The following C10orf90 variants were observed in gnomAD, a reference collection of about 807,000 sequenced individuals.
C10orf90 encodes chromosome 10 open reading frame 90, also known as (E2-independent) E3 ubiquitin-conjugating enzyme FATS.
C10orf90 carries 56 observed loss-of-function variants against 62.5 expected under a neutral mutation model. The ratio of observed to expected loss-of-function variants is 0.90; its 90% CI spans 0.72 to 1.12. The LOEUF (loss-of-function observed/expected upper bound fraction) is 1.12. Among genes scored for constraint, C10orf90 ranks in the 50% most tolerant of loss-of-function variants. C10orf90 has a pLI of 0.00. For synonymous variants in C10orf90, 386 were observed against 340.4 expected (o/e 1.13, Z -1.47); for missense variants, 970 against 880.4 (o/e 1.10, Z -1.29).
At chr10:126,629,443 T>C (rs1845808786) in intron 2 of C10orf90, among the ~76,000 whole-genome samples, 1 of 152,170 alleles carries the variant, frequency 6.6e-6, no homozygotes, top group Admixed American at 6.5e-5. Flanking sequence ...GCCTCCTCCC[T>C]GATGCACAGC....
intron 1 of C10orf90, among the ~76,000 whole-genome samples, chr10:126,649,071 T>TCTCTC (rs1455526825): frequency 1.7e-4 from 7 of 40,784 alleles, no homozygotes; most frequent in Non-Finnish European, 2.4e-4. Flanking sequence ...TCTCTCTCTC[T>TCTCTC]CCCCCCCCCC....
intron 2 of C10orf90, among the ~76,000 whole-genome samples, chr10:126,621,384 G>T (rs1845641177): frequency 6.6e-6 from 1 of 152,084 alleles, no homozygotes; most frequent in Admixed American, 6.6e-5. Flanking sequence ...GACACTTAAT[G>T]GCAAAAACAG....
rs558057311 is a variant in C10orf90 at position 126,605,247 on chromosome 10, C to T, written c.313+41318G>A. On this transcript the variant is annotated intron_variant, in intron 2 of 9. Transcript: ENST00000488181. ...CCTCAGAGGGGCGTGTGCTTTGGTG[C>T]GCCAAGCCAAAGGAAAGATGGAAGC... 1.5e-4 allele frequency among the ~76,000 whole-genome samples: 23 copies of T among 152,274 alleles called. No homozygotes were observed. In the South Asian group the frequency reaches 2.3e-3, roughly 15 times the overall value.
At position 126,631,587 on chromosome 10, in the gene C10orf90, C is replaced by T. The variant is rs148648454; in HGVS notation, c.313+14978G>A. Among the ~76,000 whole-genome samples, 242 of 152,116 alleles carry T rather than the reference C, an allele frequency of 1.6e-3. 1 individual carries two copies. In the Middle Eastern group the frequency reaches 0.034, roughly 21 times the overall value. ...GAGAGCAAGTTCCCTTGATCTCTTG[C>T]TCAGCATTGCATGCTCAGTGCCCGG... On this transcript the variant is annotated intron_variant, in intron 2 of 9. Transcript: ENST00000488181.
chr10:126,584,156 T>C (rs771473461), intron 2 of C10orf90, among the ~76,000 whole-genome samples: 47 of 118,466 alleles, frequency 4.0e-4, no homozygotes, highest in Admixed American at 1.5e-3. Context: ...AAGGGGAAAC[T>C]CTCAGCAGCA....
intron 2 of C10orf90, among the ~76,000 whole-genome samples, chr10:126,537,858 T>C (rs755161016): frequency 6.6e-6 from 1 of 152,212 alleles, no homozygotes. Flanking sequence ...GAATGTGATC[T>C]TATTTGAAAG....
At chr10:126,477,135 G>A (rs1237275801) in intron 4 of C10orf90, among the ~76,000 whole-genome samples, 1 of 111,002 alleles carries the variant, frequency 9.0e-6, no homozygotes, top group Non-Finnish European at 1.7e-5. Flanking sequence ...TTGGAGCAAT[G>A]TGGAGAAGGC....
At chr10:126,574,732 T>G (rs2134007799) in intron 2 of C10orf90, among the ~76,000 whole-genome samples, 1 of 152,224 alleles carries the variant, frequency 6.6e-6, no homozygotes, top group Non-Finnish European at 1.5e-5. Flanking sequence ...ATTTATGAAC[T>G]TTTTAAAAAT....
At chr10:126,460,051 C>T (rs565899196) in intron 6 of C10orf90, among the ~76,000 whole-genome samples, 3 of 152,312 alleles carry the variant, frequency 2.0e-5, no homozygotes, top group African/African-American at 7.2e-5. Context: ...CCACGGGAAC[C>T]CCATTCTTTT....
At position 126,504,285 on chromosome 10, in the gene C10orf90, T is replaced by A; in HGVS notation, c.1206A>T (p.Gly402=). Residue 402 remains glycine (G), a synonymous_variant, in exon 4 of 10, where the codon GGA becomes GGT. Transcript: ENST00000488181. The surrounding 1 kb of genome is among the most constrained non-coding windows in gnomAD (Gnocchi z 4.1). ...NCSSHRLTAD[G]VDGLVNREPI... ...GCTCTCTGTTCACTAGGCCATCTAC[T>A]CCATCTGCTGTTAATCTGTGGGAAC... 6.2e-7 allele frequency: 1 copy of A among 1,614,160 alleles called. No homozygotes were observed. Among genetic ancestry groups the A allele is most frequent in the Non-Finnish European group, 8.5e-7 (1 of 1,180,034 alleles).
chr10:126,513,785 T>C (rs1429790671), intron 3 of C10orf90, 63 bp downstream of exon 3: 2 of 1,025,426 alleles, frequency 2.0e-6, no homozygotes, highest in Non-Finnish European at 3.0e-6. Flanking sequence ...AGTAGGTCAG[T>C]GATTATATTT....
intron 2 of C10orf90, among the ~76,000 whole-genome samples, chr10:126,592,256 A>G (rs1021343682): frequency 2.0e-5 from 3 of 152,226 alleles, no homozygotes; most frequent in Non-Finnish European, 4.4e-5. Context: ...TCTAAGCAAA[A>G]AGAAAAAGCT....
At chr10:126,630,828 C>A (rs1476518081) in intron 2 of C10orf90, among the ~76,000 whole-genome samples, 1 of 152,176 alleles carries the variant, frequency 6.6e-6, no homozygotes, top group Non-Finnish European at 1.5e-5. Flanking sequence ...CCTTACCATC[C>A]ACATCCAATG....
intron 7 of C10orf90, among the ~76,000 whole-genome samples, chr10:126,431,899 C>T (rs1857594445): frequency 6.6e-6 from 1 of 152,170 alleles, no homozygotes; most frequent in Non-Finnish European, 1.5e-5. Context: ...GACACCTCCA[C>T]TCTTGTGTTT....
intron 2 of C10orf90, among the ~76,000 whole-genome samples, chr10:126,536,787 G>A (rs1864249330): frequency 1.3e-5 from 2 of 152,244 alleles, no homozygotes; most frequent in African/African-American, 2.4e-5. Context: ...TCTCCCAGCC[G>A]GAGACCTGGC....
intron 2 of C10orf90, among the ~76,000 whole-genome samples, chr10:126,558,811 G>A (rs1024707895): frequency 6.6e-6 from 1 of 152,242 alleles, no homozygotes; most frequent in Non-Finnish European, 1.5e-5. Context: ...GGCTCCCAGA[G>A]AGCAAGGGCT....
chr10:126,430,783 C>T (rs1360395359), intron 7 of C10orf90, among the ~76,000 whole-genome samples: 2 of 152,170 alleles, frequency 1.3e-5, no homozygotes, highest in Non-Finnish European at 2.9e-5. Context: ...CCAGTGAAGT[C>T]CTGGGTCTGT....
At chr10:126,579,859 A>C (rs1471050600) in intron 2 of C10orf90, among the ~76,000 whole-genome samples, 1 of 152,120 alleles carries the variant, frequency 6.6e-6, no homozygotes, top group Non-Finnish European at 1.5e-5. Flanking sequence ...GGACAACCCC[A>C]CAGTGCAAGG....
chr10:126,502,379 C>A (rs2133878604), intron 4 of C10orf90, among the ~76,000 whole-genome samples: 1 of 152,284 alleles, frequency 6.6e-6, no homozygotes, highest in Non-Finnish European at 1.5e-5. Context: ...GGGATCTGTG[C>A]TTTTTCTGGG....
Sources: allele counts gnomAD v4.1 joint callset (sites outside exome capture counted in the v4.1 genomes callset), GRCh38; gene constraint gnomAD v4.1.1; non-coding constraint Gnocchi (gnomAD v3.1); transcripts MANE v1.5; gene names NCBI Gene and HGNC (gene_info 2026-07-23, HGNC 2026-07-21).